Variants in SCN9A observed in about 807,000 individuals in gnomAD.
SCN9A encodes the protein sodium channel protein type 9 subunit alpha.
SCN9A carries 131 observed loss-of-function variants against 187.0 expected under a neutral mutation model. That is an observed-to-expected ratio of 0.70 (90% CI 0.61 to 0.81). The LOEUF (loss-of-function observed/expected upper bound fraction) is 0.81, where lower values mean the gene tolerates loss of function less well. Ranked by LOEUF, SCN9A falls within the 30% of genes least tolerant of loss-of-function variation. The pLI, the probability that SCN9A is intolerant of heterozygous loss-of-function variation, is 0.00. For missense variants in SCN9A, 2,252 were observed against 2,396.6 expected (o/e 0.94, Z 1.26); for synonymous variants, 809 against 808.6 (o/e 1.00, Z -0.01).
chr2:166,289,200 A>G (rs1697924992), intron 9 of SCN9A, among the ~76,000 whole-genome samples: 1 of 149,724 alleles, frequency 6.7e-6, no homozygotes, highest in Non-Finnish European at 1.5e-5. Context: ...AGGTACAGAG[A>G]TTTTTTTTTC....
intron 17 of SCN9A, among the ~76,000 whole-genome samples, chr2:166,253,522 A>G (rs1309610648): frequency 1.3e-5 from 2 of 151,882 alleles, no homozygotes; most frequent in Non-Finnish European, 2.9e-5. Context: ...CTATAGAATG[A>G]GTTTTAAAAT....
intron 5 of SCN9A, 56 bp from the exon 6 acceptor site, chr2:166,304,385 T>C (rs756704425): frequency 9.0e-5 from 132 of 1,463,972 alleles, no homozygotes; most frequent in Non-Finnish European, 1.2e-4. Flanking sequence ...GATACTTACC[T>C]GAGCCTTTAG....
In SCN9A at chr2:166,278,275, T is replaced by G. The variant is rs2106471485; in HGVS notation, c.2382A>C (p.Lys794Asn). ...TGIFAAEMVL[K>N]LIAMDPYEYF... ...ACTCATATGGATCCATGGCAATCAGTTTTAATACCATTTCAGCTGCAAAGA... is the reference window on the plus strand; with the variant it reads ...ACTCATATGGATCCATGGCAATCAGGTTTAATACCATTTCAGCTGCAAAGA... Residue 794 changes from lysine to asparagine, a missense_variant, in exon 15 of 27, where the codon AAA becomes AAC. Physicochemically the swap from Lys to Asn is moderately conservative, Grantham distance 94 (BLOSUM62 0). Coordinates refer to ENST00000642356, the MANE Select transcript of SCN9A (RefSeq NM_001365536.1). 6.2e-7 allele frequency: 1 copy of G among 1,609,910 alleles called. No individual in the cohort carries two copies. Among genetic ancestry groups the G allele is most frequent in the South Asian group, 1.1e-5 (1 of 90,010 alleles).
At chr2:166,217,446 T>G (rs774768691) in intron 24 of SCN9A, among the ~76,000 whole-genome samples, 1 of 151,964 alleles carries the variant, frequency 6.6e-6, no homozygotes, top group Non-Finnish European at 1.5e-5. Flanking sequence ...ATAAAATATC[T>G]GCAAACCATA....
chr2:166,230,111 T>C (rs1695018071), intron 21 of SCN9A, among the ~76,000 whole-genome samples: 1 of 152,136 alleles, frequency 6.6e-6, no homozygotes, highest in Admixed American at 6.5e-5. Flanking sequence ...TATATCTCCG[T>C]TGCAACTATT....
rs1699322087 is a variant in SCN9A at position 166,324,669 on chromosome 2, G to C, written c.-50-12863C>G. 3.3e-5 allele frequency among the ~76,000 whole-genome samples: 5 copies of C among 152,112 alleles called. No homozygotes were observed. In the South Asian group the frequency reaches 1.0e-3, roughly 32 times the overall value. ...ACCATTGATACTATGTGATGAGAAT[G>C]GCCTTTTACATATGTGATCTTCCTT... On this transcript the variant is annotated intron_variant, in intron 1 of 26. Coordinates refer to ENST00000642356, the MANE Select transcript of SCN9A (RefSeq NM_001365536.1).
At chr2:166,210,912 T>A (rs1694060662) in intron 24 of SCN9A, among the ~76,000 whole-genome samples, 1 of 151,852 alleles carries the variant, frequency 6.6e-6, no homozygotes, top group Admixed American at 6.6e-5. Context: ...ATTACAAAAA[T>A]CAGCTGGGTG....
intron 17 of SCN9A, among the ~76,000 whole-genome samples, chr2:166,270,442 A>G (rs1167363569): frequency 1.3e-5 from 2 of 151,896 alleles, no homozygotes; most frequent in Non-Finnish European, 2.9e-5. Flanking sequence ...CTACTCGCCC[A>G]TAGATATCGA....
rs764524434 is a variant in SCN9A at position 166,199,975 on chromosome 2, G to GTTTTTTTTTTTT, written c.4775-123_4775-112dup. The GTTTTTTTTTTTT allele has an allele frequency of 1.0e-3, 84 of 84,248 alleles. 24 individuals carry two copies. Among genetic ancestry groups the GTTTTTTTTTTTT allele is most frequent in the African/African-American group, 2.3e-3 (25 of 10,748 alleles). The allele number at this position is 84,248 out of a possible 1,614,324, so 5.2% of individuals were successfully genotyped here. On this transcript the variant is annotated intron_variant, in intron 26 of 26. Transcript: ENST00000642356. ...ACTCATTTCTTATGAATTCAAGACA[G>GTTTTTTTTTTTT]TTTTTTTTTTTTTTTTTTTTTTTTT... is the stretch of plus-strand genomic sequence containing the variant.
intron 7 of SCN9A, among the ~76,000 whole-genome samples, chr2:166,300,460 T>G (rs1451779024): frequency 1.3e-5 from 2 of 151,050 alleles, no homozygotes; most frequent in Non-Finnish European, 2.9e-5. Flanking sequence ...CTCATCTAGT[T>G]GATATCTCAG....
chr2:166,344,864 A>G (rs146333890), intron 1 of SCN9A, among the ~76,000 whole-genome samples: 1 of 152,344 alleles, frequency 6.6e-6, no homozygotes, highest in South Asian at 2.1e-4. Context: ...GCCATGAAAC[A>G]TAAAATCCTC....
At chr2:166,334,808 G>A (rs1267047919) in intron 1 of SCN9A, among the ~76,000 whole-genome samples, 5 of 152,074 alleles carry the variant, frequency 3.3e-5, no homozygotes, top group Non-Finnish European at 7.4e-5. Context: ...AATACTTGTA[G>A]CACAATTCAA....
At chr2:166,247,751 G>C (rs1432896537) in intron 18 of SCN9A, among the ~76,000 whole-genome samples, 2 of 152,020 alleles carry the variant, frequency 1.3e-5, no homozygotes. Context: ...TCTTGACCTT[G>C]TGAAAAAGGT....
chr2:166,308,925 C>CAAAAAAAAAAAAA (rs397986566), intron 2 of SCN9A, among the ~76,000 whole-genome samples: 1 of 78,152 alleles, frequency 1.3e-5, no homozygotes, highest in Non-Finnish European at 2.4e-5. Flanking sequence ...GACTCTGTCT[C>CAAAAAAAAAAAAA]AAAAAAAAAA....
intron 24 of SCN9A, among the ~76,000 whole-genome samples, chr2:166,222,181 A>G (rs1338492947): frequency 6.6e-6 from 1 of 152,240 alleles, no homozygotes; most frequent in Non-Finnish European, 1.5e-5. Context: ...AAAGCAACCT[A>G]TAGAATGGGA....
Position 166,227,735 on chromosome 2 carries a change from A to T in SCN9A, c.4207-12T>A. ...CCCTTAAAAGTTGCCTTTAAGAATA[A>T]CATTAATAGAATTTGAATGTTAAGC... is the stretch of plus-strand genomic sequence containing the variant. On this transcript the variant is annotated splice_polypyrimidine_tract_variant and intron_variant, in intron 22 of 26. Transcript: ENST00000642356. The T allele has an allele frequency of 7.4e-7, 1 of 1,359,792 alleles. No homozygotes were observed. The highest frequency in any genetic ancestry group is 1.0e-6 in the Non-Finnish European group (1 of 971,308). The allele number at this position is 1,359,792 out of a possible 1,614,324, so 84.2% of individuals were successfully genotyped here.
chr2:166,228,692 A>G lies in SCN9A; in HGVS notation c.4205T>C (p.Val1402Ala), dbSNP rs200266532. 8.8e-5 allele frequency: 141 copies of G among 1,608,710 alleles called. No homozygotes were observed. The highest frequency in any genetic ancestry group is 2.7e-4 in the Admixed American group (16 of 59,840). ...GCACTCATGAAATGGGACACTTACAACTTGAAGCAGAGATAGGTAACCAAG... is the reference window on the plus strand; with the variant it reads ...GCACTCATGAAATGGGACACTTACAGCTTGAAGCAGAGATAGGTAACCAAG... ...VGLGYLSLLQ[V>A]ATFKGWTIIM... is the part of the protein sequence containing the mutation. The change falls in exon 22 of 27, where the codon GTT becomes GCT. Residue 1402 changes from valine (V) to alanine (A), a missense_variant and splice_region_variant. Transcript: ENST00000642356.
intron 26 of SCN9A, among the ~76,000 whole-genome samples, chr2:166,202,225 T>G (rs1224618700): frequency 1.3e-5 from 2 of 151,656 alleles, no homozygotes; most frequent in African/African-American, 4.8e-5. Flanking sequence ...TTTACAAATT[T>G]GTGTTTTGCA....
At chr2:166,250,855 C>T (rs147235530) in intron 18 of SCN9A, among the ~76,000 whole-genome samples, 1,857 of 152,178 alleles carry the variant, frequency 0.012, 20 homozygotes, top group Middle Eastern at 0.02. Context: ...GGCCCTATCT[C>T]CAGAGTTCCT....
Sources: allele counts gnomAD v4.1 joint callset (sites outside exome capture counted in the v4.1 genomes callset), GRCh38; gene constraint gnomAD v4.1.1; transcripts MANE v1.5; gene names NCBI Gene and HGNC (gene_info 2026-07-23, HGNC 2026-07-21).